RB1: variants seen among roughly 807,000 people sequenced by gnomAD.
The protein encoded by RB1 is retinoblastoma-associated protein.
A neutral mutation model predicts 135.4 loss-of-function variants in RB1; 18 were observed. That is an observed-to-expected ratio of 0.13 (90% CI 0.09 to 0.20). The LOEUF (loss-of-function observed/expected upper bound fraction) is 0.20, where lower values mean the gene tolerates loss of function less well. RB1 is among the 10% of genes least tolerant of loss of function. The pLI is 1.00. For missense variants in RB1, 868 were observed against 1,110.0 expected (o/e 0.78, Z 3.10); for synonymous variants, 365 against 373.2 (o/e 0.98, Z 0.25).
At chr13:48,322,183 C>G (rs537328020) in intron 2 of RB1, among the ~76,000 whole-genome samples, 1 of 152,198 alleles carries the variant, frequency 6.6e-6, no homozygotes, top group Non-Finnish European at 1.5e-5. Flanking sequence ...GCTTATTTCA[C>G]TTAGCATAAT....
At chr13:48,381,200 C>T (rs1314273568) in intron 16 of RB1, 47 bp from the exon 17 acceptor site, 11 of 1,541,702 alleles carry the variant, frequency 7.1e-6, no homozygotes, top group Non-Finnish European at 9.6e-6. Context: ...ATACCTAGCT[C>T]AAGGGTTAAT....
chr13:48,411,870 ACAATC>A (rs1163127792), intron 17 of RB1: 1 of 1,613,890 alleles, frequency 6.2e-7, no homozygotes, highest in Non-Finnish European at 8.5e-7. Flanking sequence ...GATGAAAATT[ACAATC>A]CTTGAGAGAT....
intron 21 of RB1, 40 bp from the exon 22 acceptor site, chr13:48,464,958 C>CTTTTCT: frequency 1.4e-6 from 1 of 738,434 alleles, no homozygotes; most frequent in South Asian, 2.3e-5. Flanking sequence ...GTAAATTTTA[C>CTTTTCT]TTTTTTTTTT....
intron 17 of RB1, among the ~76,000 whole-genome samples, chr13:48,430,764 AC>A (rs1205994061): frequency 1.6e-3 from 53 of 32,414 alleles, no homozygotes; most frequent in African/African-American, 2.1e-3. Flanking sequence ...AAACAAACAA[AC>A]AAAAAAAAAA....
At chr13:48,472,771 C>T (rs1179244180) in intron 23 of RB1, among the ~76,000 whole-genome samples, 1 of 152,078 alleles carries the variant, frequency 6.6e-6, no homozygotes, top group African/African-American at 2.4e-5. Flanking sequence ...AAAAAAATCT[C>T]TATATTCACT....
chr13:48,379,070 A>G (rs1485807093), intron 13 of RB1, among the ~76,000 whole-genome samples: 1 of 152,194 alleles, frequency 6.6e-6, no homozygotes, highest in East Asian at 1.9e-4. Context: ...AAATTTATGG[A>G]CAAAGACTGT....
chr13:48,374,059 A>G (rs1427995471), intron 12 of RB1, among the ~76,000 whole-genome samples: 1 of 152,012 alleles, frequency 6.6e-6, no homozygotes, highest in Non-Finnish European at 1.5e-5. Context: ...TACTTTTAAG[A>G]TCTTTTCTTT....
At position 48,476,790 on chromosome 13, in the gene RB1, A is replaced by G; in HGVS notation, c.2610A>G (p.Lys870=). 1 of 1,613,748 alleles carries G rather than the reference A, an allele frequency of 6.2e-7. No homozygotes were observed. Among genetic ancestry groups the G allele is most frequent in the South Asian group, 1.1e-5 (1 of 91,076 alleles). The change falls in exon 25 of 27, where the codon AAA becomes AAG. Residue 870 remains lysine (K), a synonymous_variant. Coordinates refer to ENST00000267163, the MANE Select transcript of RB1 (RefSeq NM_000321.3). ...GTGCTGAAGGAAGCAACCCTCCTAA[A>G]CCACTGAAAAAACTACGCTTTGATA... ...KRSAEGSNPP[K]PLKKLRFDIE...
At chr13:48,345,906 A>G (rs1320459968) in intron 4 of RB1, among the ~76,000 whole-genome samples, 1 of 152,096 alleles carries the variant, frequency 6.6e-6, no homozygotes, top group Non-Finnish European at 1.5e-5. Context: ...GAGGATGGAG[A>G]TAGAGGTGGA....
intron 6 of RB1, among the ~76,000 whole-genome samples, chr13:48,350,823 A>G (rs1200958008): frequency 6.6e-6 from 1 of 152,178 alleles, no homozygotes; most frequent in Non-Finnish European, 1.5e-5. Context: ...AAGTGAGGCC[A>G]TGCAGTATTT....
At chr13:48,411,529 G>A (rs747234197) in intron 17 of RB1, 3 of 1,613,374 alleles carry the variant, frequency 1.9e-6, no homozygotes, top group Non-Finnish European at 2.5e-6. Context: ...ATTGAATTCT[G>A]AATTGTGTCC....
chr13:48,378,584 T>C (rs1215044231), intron 13 of RB1, among the ~76,000 whole-genome samples: 1 of 151,944 alleles, frequency 6.6e-6, no homozygotes, highest in East Asian at 1.9e-4. Context: ...ATTTAACTTT[T>C]TTTTTTTTTT....
chr13:48,449,602 A>T (rs974566901), intron 17 of RB1, among the ~76,000 whole-genome samples: 7 of 152,222 alleles, frequency 4.6e-5, no homozygotes, highest in South Asian at 4.2e-4. Context: ...TACAAAAAAA[A>T]TTTCAGAAAA....
Position 48,453,052 on chromosome 13 carries a change from C to T in RB1, c.1755C>T (p.His585=), listed in dbSNP as rs750305249. 8 of 1,613,262 alleles carry T rather than the reference C, an allele frequency of 5.0e-6. No homozygotes were observed. Among genetic ancestry groups the T allele is most frequent in the Non-Finnish European group, 6.8e-6 (8 of 1,179,682 alleles). The change falls in exon 18 of 27, where the codon CAC becomes CAT. Residue 585 remains histidine (H), a synonymous_variant. Coordinates refer to ENST00000267163, the MANE Select transcript of RB1 (RefSeq NM_000321.3). ...AGGACCGAGAAGGACCAACTGATCA[C>T]CTTGAATCTGCTTGTCCTCTTAATC... ...QSKDREGPTD[H]LESACPLNLP...
At chr13:48,404,186 C>T (rs1051080028) in intron 17 of RB1, 2 of 152,046 alleles carry the variant, frequency 1.3e-5, no homozygotes, top group African/African-American at 2.4e-5. Context: ...CTTACAGACA[C>T]GGGGCTAGGG....
intron 24 of RB1, among the ~76,000 whole-genome samples, chr13:48,475,341 T>G (rs1303060278): frequency 1.6e-5 from 1 of 62,882 alleles, no homozygotes; most frequent in Non-Finnish European, 4.0e-5. Flanking sequence ...AAGTCTGTGA[T>G]CAAGGTGTCA....
intron 17 of RB1, among the ~76,000 whole-genome samples, chr13:48,392,763 TCTC>T (rs946815550): frequency 4.8e-5 from 7 of 147,098 alleles, no homozygotes; most frequent in South Asian, 2.2e-4. Flanking sequence ...TCTCTCTCTC[TCTC>T]TTTTTTTTAA....
chr13:48,434,599 C>T (rs1437794749), intron 17 of RB1, among the ~76,000 whole-genome samples: 1 of 152,132 alleles, frequency 6.6e-6, no homozygotes. Flanking sequence ...AGCCCAGGAA[C>T]ACCAGGCCTG....
intron 2 of RB1, among the ~76,000 whole-genome samples, chr13:48,338,983 C>T (rs1952414256): frequency 6.6e-6 from 1 of 152,158 alleles, no homozygotes. Flanking sequence ...GGCTGCAGAA[C>T]AGTGAATATT....
Sources: gnomAD v4.1 joint callset for allele counts (sites outside exome capture counted in the v4.1 genomes callset) on GRCh38, gnomAD v4.1.1 for gene constraint, MANE v1.5 for transcripts, NCBI Gene and HGNC (gene_info 2026-07-23, HGNC 2026-07-21) for gene names.